Variants in POLE2 observed in about 807,000 individuals in gnomAD.
The protein encoded by POLE2 is DNA polymerase epsilon 2, accessory subunit, also known as DNA polymerase epsilon subunit 2.
In POLE2, 56 loss-of-function variants were observed where a neutral mutation model predicts 79.4. That is an observed-to-expected ratio of 0.71 (90% CI 0.57 to 0.88). The LOEUF (loss-of-function observed/expected upper bound fraction) is 0.88, where lower values mean the gene tolerates loss of function less well. Ranked by LOEUF, POLE2 falls within the 40% of genes least tolerant of loss-of-function variation. The probability of loss-of-function intolerance (pLI) is 0.00; values close to 1 mark genes in which losing one functional copy is unlikely to be tolerated. For missense variants in POLE2, 598 were observed against 638.9 expected (o/e 0.94, Z 0.69); for synonymous variants, 212 against 214.0 (o/e 0.99, Z 0.08).
chr14:49,670,718 C>A (rs960381686), intron 5 of POLE2, among the ~76,000 whole-genome samples: 4 of 152,146 alleles, frequency 2.6e-5, no homozygotes, highest in African/African-American at 9.7e-5. Context: ...TAGTGGAGAT[C>A]TTTGTCACTT....
At chr14:49,647,086 TC>T in intron 18 of POLE2, 1 of 390,080 alleles carries the variant, frequency 2.6e-6, no homozygotes, top group Non-Finnish European at 4.6e-6. Context: ...AGAAAACAGT[TC>T]TTGATCTATT....
intron 17 of POLE2, among the ~76,000 whole-genome samples, chr14:49,649,198 G>C (rs1468441799): frequency 1.5e-5 from 2 of 136,554 alleles, no homozygotes; most frequent in Admixed American, 1.6e-4. Flanking sequence ...CCAGGCTGGA[G>C]TGCAGTGGCG....
intron 2 of POLE2, 125 bp from the exon 3 acceptor site, chr14:49,679,925 G>A: frequency 1.7e-6 from 1 of 602,712 alleles, no homozygotes; most frequent in South Asian, 2.1e-5. Context: ...TACAGTTTTT[G>A]GAGAAAAAAA....
intron 17 of POLE2, among the ~76,000 whole-genome samples, chr14:49,649,003 T>C (rs1457155934): frequency 1.3e-5 from 2 of 152,056 alleles, no homozygotes; most frequent in Non-Finnish European, 2.9e-5. Flanking sequence ...AGTCTAAAAT[T>C]CACAAGAATC....
At chr14:49,669,085 C>T (rs1885691379) in intron 6 of POLE2, among the ~76,000 whole-genome samples, 1 of 152,170 alleles carries the variant, frequency 6.6e-6, no homozygotes, top group Non-Finnish European at 1.5e-5. Flanking sequence ...GTTTTCACTT[C>T]AACCAATATA....
chr14:49,676,834 C>G (rs1303102031), intron 3 of POLE2, among the ~76,000 whole-genome samples: 6 of 152,228 alleles, frequency 3.9e-5, no homozygotes, highest in Non-Finnish European at 7.3e-5. Flanking sequence ...TGACCCCACC[C>G]TTGCTGAACT....
At chr14:49,645,115 G>C (rs56133105) in intron 18 of POLE2, among the ~76,000 whole-genome samples, 34,048 of 150,896 alleles carry the variant, frequency 0.23, 4,132 homozygotes, top group Admixed American at 0.3. Context: ...GTATGCATAG[G>C]CTTAAGTATA....
chr14:49,664,037 A>G (rs1384313303), intron 9 of POLE2, among the ~76,000 whole-genome samples: 1 of 110,252 alleles, frequency 9.1e-6, no homozygotes, highest in South Asian at 2.7e-4. Context: ...ACTCCATCTC[A>G]AAAGAAAAAA....
intron 15 of POLE2, 186 bp from the exon 16 acceptor site, chr14:49,651,563 C>T (rs1884235371): frequency 2.5e-6 from 1 of 400,376 alleles, no homozygotes; most frequent in Middle Eastern, 6.6e-4. Flanking sequence ...ATATGCCTAC[C>T]CCATTCTAGG....
chr14:49,679,873 C>T, intron 2 of POLE2, 73 bp from the exon 3 acceptor site: 2 of 820,102 alleles, frequency 2.4e-6, no homozygotes, highest in Non-Finnish European at 4.1e-6. Context: ...CAGCTCTTTT[C>T]CCAAAAATAA....
In POLE2 at chr14:49,651,223, T is replaced by C. The variant is rs192630177; in HGVS notation, c.1320+46A>G. ...TTAAGTGGCTTAATAAAATTTTATATAATGCAACATGTAAGGCAGTTTAAT... is the reference window on the plus strand; with the variant it reads ...TTAAGTGGCTTAATAAAATTTTATACAATGCAACATGTAAGGCAGTTTAAT... On this transcript the variant is annotated intron_variant, in intron 16 of 18. Coordinates refer to ENST00000216367, the MANE Select transcript of POLE2 (RefSeq NM_002692.4). 8 of 809,946 alleles carry C rather than the reference T, an allele frequency of 9.9e-6. No individual in the cohort carries two copies. The African/African-American group carries it at 1.0e-4, about 10-fold the overall frequency. The allele number at this position is 809,946 out of a possible 1,614,324, so 50.2% of individuals were successfully genotyped here.
intron 10 of POLE2, among the ~76,000 whole-genome samples, chr14:49,660,280 G>C (rs1885008678): frequency 1.3e-5 from 2 of 152,112 alleles, no homozygotes; most frequent in Admixed American, 6.5e-5. Context: ...GTTTGTATAA[G>C]TACACTGTGA....
In POLE2 at chr14:49,647,469, T is replaced by A. The variant is rs919201596; in HGVS notation, c.1498-109A>T. The A allele has an allele frequency of 1.4e-4, 47 of 345,228 alleles. No individual in the cohort carries two copies. In the East Asian group the frequency reaches 1.6e-3, roughly 11 times the overall value. 21.4% of individuals were successfully genotyped at this position (345,228 alleles called of 1,614,324 possible). A position where few individuals can be genotyped will look rare whatever the true frequency, so the allele number is the denominator to read the frequency against. On this transcript the variant is annotated intron_variant, in intron 17 of 18. Coordinates refer to ENST00000216367, the MANE Select transcript of POLE2 (RefSeq NM_002692.4). Reference sequence around the variant, plus strand: ...TATTTTTTATTTTATTTATTTATTTTTTTTTTGAGACATGGTCTCACTCTC... The same window carrying A: ...TATTTTTTATTTTATTTATTTATTTATTTTTTGAGACATGGTCTCACTCTC...
chr14:49,643,806 C>G (rs957148360), intron 18 of POLE2, 136 bp from the exon 19 acceptor site: 5 of 313,836 alleles, frequency 1.6e-5, no homozygotes, highest in Middle Eastern at 9.7e-4. Context: ...GTTTCAAATT[C>G]AAAAGGAGAC....
intron 1 of POLE2, among the ~76,000 whole-genome samples, chr14:49,686,967 C>G (rs1232287370): frequency 6.6e-6 from 1 of 152,018 alleles, no homozygotes; most frequent in African/African-American, 2.4e-5. Flanking sequence ...TCCAATCCAG[C>G]AGGTATTTCA....
intron 13 of POLE2, 47 bp from the exon 14 acceptor site, chr14:49,654,261 C>G: frequency 7.8e-7 from 1 of 1,283,360 alleles, no homozygotes; most frequent in Non-Finnish European, 1.1e-6. Flanking sequence ...TATTGTAACA[C>G]TATCCAATAG....
chr14:49,644,663 A>C (rs950900236), intron 18 of POLE2, among the ~76,000 whole-genome samples: 1 of 152,182 alleles, frequency 6.6e-6, no homozygotes, highest in African/African-American at 2.4e-5. Flanking sequence ...TTTGAGGCTT[A>C]GAAATTTAAG....
At chr14:49,644,193 G>A (rs958964575) in intron 18 of POLE2, among the ~76,000 whole-genome samples, 1 of 149,388 alleles carries the variant, frequency 6.7e-6, no homozygotes, top group African/African-American at 2.5e-5. Flanking sequence ...ACAACTATAT[G>A]TCCTTTATAA....
intron 1 of POLE2, among the ~76,000 whole-genome samples, 176 bp from the exon 2 acceptor site, chr14:49,683,869 C>T (rs1458173729): frequency 6.6e-6 from 1 of 152,220 alleles, no homozygotes; most frequent in Admixed American, 6.5e-5. Context: ...TCCTCCTATG[C>T]CTTGCTAACA....
Sources: allele counts gnomAD v4.1 joint callset (sites outside exome capture counted in the v4.1 genomes callset), GRCh38; gene constraint gnomAD v4.1.1; transcripts MANE v1.5; gene names NCBI Gene and HGNC (gene_info 2026-07-23, HGNC 2026-07-21).